Variants in EXTL3 observed in about 807,000 individuals in gnomAD.
EXTL3 encodes the protein exostosin like glycosyltransferase 3, also known as exostosin-like 3.
A neutral mutation model predicts 69.3 loss-of-function variants in EXTL3; 27 were observed. The observed-to-expected ratio is 0.39, with a 90% CI of 0.29 to 0.54. EXTL3 has a LOEUF of 0.54. Among genes scored for constraint, EXTL3 ranks in the 20% least tolerant of loss-of-function variants. EXTL3 has a pLI of 0.69. For missense variants in EXTL3, 1,003 were observed against 1,231.8 expected, an observed-to-expected ratio of 0.81 and a Z score of 2.78; for synonymous variants, 511 against 499.4, an observed-to-expected ratio of 1.02 and a Z score of -0.31.
At chr8:28,638,186 C>T (rs1183401172) in intron 1 of EXTL3, among the ~76,000 whole-genome samples, 1 of 152,138 alleles carries the variant, frequency 6.6e-6, no homozygotes, top group Non-Finnish European at 1.5e-5. Flanking sequence ...TCTTTTGGTT[C>T]CAAGTGACAG....
In EXTL3 at chr8:28,716,001, C is replaced by G. The variant is rs2130734709; in HGVS notation, c.-59C>G. ...AAACAGAGATCGTTTTGTGGAATAG[C>G]AACCCATGGTTATGGCGAGTGACCC... On this transcript the variant is annotated 5_prime_UTR_variant, in exon 3 of 7. Coordinates refer to ENST00000220562, the MANE Select transcript of EXTL3 (RefSeq NM_001440.4). This position sits in a 1 kb window ranked among gnomAD's most constrained non-coding sequence, Gnocchi z 7.1. The G allele has an allele frequency of 8.6e-6, 12 of 1,401,634 alleles. 1 individual carries two copies. In the South Asian group the frequency reaches 1.5e-4, roughly 17 times the overall value. The allele number at this position is 1,401,634 out of a possible 1,614,324, so 86.8% of individuals were successfully genotyped here.
At chr8:28,731,144 C>G in intron 3 of EXTL3, 79 bp from the exon 4 acceptor site, 1 of 1,579,156 alleles carries the variant, frequency 6.3e-7, no homozygotes, top group Non-Finnish European at 8.7e-7. Flanking sequence ...GCCATGGTCT[C>G]CTTGGACCTA....
At chr8:28,724,482 C>T (rs1159519595) in intron 3 of EXTL3, among the ~76,000 whole-genome samples, 2 of 151,838 alleles carry the variant, frequency 1.3e-5, no homozygotes, top group Non-Finnish European at 2.9e-5. Flanking sequence ...ATAATGTAGT[C>T]CTTGGCTGGG....
intron 5 of EXTL3, 59 bp downstream of exon 5, chr8:28,737,722 A>T: frequency 6.4e-7 from 1 of 1,571,894 alleles, no homozygotes; most frequent in Non-Finnish European, 8.8e-7. Flanking sequence ...TTTGTGTGGT[A>T]GCGGAATGCT....
rs1801999568 is a variant in EXTL3 at position 28,751,347 on chromosome 8, C to T, written c.*481C>T. ...TTTTGCCTTTCTAAGGGAGGGACCG[C>T]GCAGGCTCCTTTGTTCTGTATTCTG... On this transcript the variant is annotated 3_prime_UTR_variant, in exon 7 of 7. Transcript: ENST00000220562. The T allele has an allele frequency of 5.7e-6, 1 of 174,430 alleles. No individual in the cohort carries two copies. Among genetic ancestry groups the T allele is most frequent in the Non-Finnish European group, 1.2e-5 (1 of 80,296 alleles). 10.8% of individuals were successfully genotyped at this position (174,430 alleles called of 1,614,324 possible). A position where few individuals can be genotyped will look rare whatever the true frequency, so the allele number is the denominator to read the frequency against.
chr8:28,706,088 G>T (rs1800917128), intron 1 of EXTL3, among the ~76,000 whole-genome samples: 2 of 152,106 alleles, frequency 1.3e-5, no homozygotes, highest in African/African-American at 4.8e-5. Flanking sequence ...CTTCCTAATG[G>T]TATCATAGTC....
intron 1 of EXTL3, among the ~76,000 whole-genome samples, chr8:28,694,885 T>A (rs1281001017): frequency 1.3e-5 from 2 of 152,002 alleles, no homozygotes; most frequent in Non-Finnish European, 2.9e-5. Context: ...TGGTGGCACA[T>A]GCCTGTAATC....
intron 1 of EXTL3, among the ~76,000 whole-genome samples, chr8:28,652,267 T>G (rs1806935653): frequency 2.0e-5 from 3 of 152,308 alleles, no homozygotes; most frequent in East Asian, 3.9e-4. Context: ...ACTGCCAAGC[T>G]GTTTTCCACA....
chr8:28,653,280 G>A (rs993524589), intron 1 of EXTL3, among the ~76,000 whole-genome samples: 6 of 152,014 alleles, frequency 3.9e-5, no homozygotes, highest in Admixed American at 1.3e-4. Context: ...AACCCTTATA[G>A]GATATATGAT....
chr8:28,660,227 A>G (rs1055136605), intron 1 of EXTL3, among the ~76,000 whole-genome samples: 1 of 152,102 alleles, frequency 6.6e-6, no homozygotes, highest in Non-Finnish European at 1.5e-5. Context: ...AGCCCAGTGT[A>G]GTGGTGTACA....
intron 1 of EXTL3, among the ~76,000 whole-genome samples, chr8:28,674,319 C>T (rs1166246956): frequency 2.0e-5 from 3 of 152,154 alleles, no homozygotes; most frequent in Non-Finnish European, 4.4e-5. Flanking sequence ...GTGATCCTCC[C>T]ACTTTGGCCT....
chr8:28,657,230 A>G (rs1022569257), intron 1 of EXTL3, among the ~76,000 whole-genome samples: 8 of 152,220 alleles, frequency 5.3e-5, no homozygotes, highest in African/African-American at 1.9e-4. Context: ...GACATGAGCC[A>G]CTGTGCCCAG....
chr8:28,621,706 C>T (rs547957063), upstream of EXTL3, among the ~76,000 whole-genome samples: 2 of 152,186 alleles, frequency 1.3e-5, no homozygotes, highest in African/African-American at 4.8e-5. Context: ...AGGATTAGTC[C>T]CAACCACTCA....
At chr8:28,709,975 G>A (rs1354147302) in intron 1 of EXTL3, among the ~76,000 whole-genome samples, 1 of 152,166 alleles carries the variant, frequency 6.6e-6, no homozygotes, top group Non-Finnish European at 1.5e-5. Flanking sequence ...GCTTGGTTCA[G>A]CCCTCCAATG....
intron 6 of EXTL3, among the ~76,000 whole-genome samples, chr8:28,748,520 G>C (rs879857170): frequency 2.0e-5 from 3 of 152,164 alleles, no homozygotes; most frequent in Non-Finnish European, 4.4e-5. Context: ...AAAGGAAGCA[G>C]GTGGGAGGAC....
intron 1 of EXTL3, among the ~76,000 whole-genome samples, chr8:28,657,606 G>C (rs1160583285): frequency 6.6e-6 from 1 of 151,894 alleles, no homozygotes; most frequent in Non-Finnish European, 1.5e-5. Flanking sequence ...TAACAATCAT[G>C]GTTTGGTTTT....
chr8:28,712,819 A>T (rs1029482130), intron 1 of EXTL3, among the ~76,000 whole-genome samples: 3 of 152,212 alleles, frequency 2.0e-5, no homozygotes, highest in Non-Finnish European at 4.4e-5. Flanking sequence ...CTCTGCTTAT[A>T]TGTAAGTTGG....
At chr8:28,678,389 G>A (rs768040115) in intron 1 of EXTL3, among the ~76,000 whole-genome samples, 2 of 152,158 alleles carry the variant, frequency 1.3e-5, no homozygotes, top group African/African-American at 2.4e-5. Context: ...GAGATGCTTG[G>A]GTAATGGGGG....
chr8:28,616,068 A>G (rs747665529), intron 2 of EXTL3, among the ~76,000 whole-genome samples: 15 of 152,074 alleles, frequency 9.9e-5, no homozygotes, highest in African/African-American at 1.7e-4. Flanking sequence ...GATGCTGACT[A>G]TCTTTTAAAA....
Sources: gnomAD v4.1 joint callset for allele counts (sites outside exome capture counted in the v4.1 genomes callset) on GRCh38, gnomAD v4.1.1 for gene constraint, Gnocchi (gnomAD v3.1) non-coding constraint, MANE v1.5 for transcripts, NCBI Gene and HGNC (gene_info 2026-07-23, HGNC 2026-07-21) for gene names.